OLFML2B: variants seen among roughly 807,000 people sequenced by gnomAD.
OLFML2B encodes the protein olfactomedin like 2B, also known as olfactomedin-like protein 2B.
A neutral mutation model predicts 74.9 loss-of-function variants in OLFML2B; 57 were observed. The ratio of observed to expected loss-of-function variants is 0.76; its 90% CI spans 0.61 to 0.95. The LOEUF is 0.95. Among genes scored for constraint, OLFML2B ranks in the 40% least tolerant of loss-of-function variants. The probability of loss-of-function intolerance (pLI) is 0.00; values close to 1 mark genes in which losing one functional copy is unlikely to be tolerated. For synonymous variants in OLFML2B, 388 were observed against 405.8 expected (o/e 0.96, Z 0.53); for missense variants, 986 against 970.6 (o/e 1.02, Z -0.21).
intron 5 of OLFML2B, 108 bp from the exon 6 acceptor site, chr1:161,998,457 C>G (rs185484167): frequency 4.0e-6 from 5 of 1,261,416 alleles, no homozygotes; most frequent in Non-Finnish European, 5.5e-6. Context: ...TTCCTTAACA[C>G]GACGGCTTGA....
Position 161,983,746 on chromosome 1 carries a change from G to C in OLFML2B, c.2182C>G (p.Pro728Ala), listed in dbSNP as rs1465863237. The C allele has an allele frequency of 6.2e-7, 1 of 1,613,990 alleles. No homozygotes were observed. Among genetic ancestry groups the C allele is most frequent in the African/African-American group, 1.3e-5 (1 of 74,958 alleles). Residue 728 changes from proline to alanine, a missense_variant, in exon 8 of 8, where the codon CCC becomes GCC. Coordinates refer to ENST00000294794, the MANE Select transcript of OLFML2B (RefSeq NM_015441.3). ...CAGGCATAGAGCAGGCGGTCCTTGG[G>C]GTTGTAGTCTATCTGGGTCGTATAG... ...YSYTTQIDYN[P>A]KDRLLYAWDN... is the part of the protein sequence containing the mutation.
In OLFML2B at chr1:161,983,850, T is replaced by C. The variant is rs751723258; in HGVS notation, c.2078A>G (p.Asn693Ser). 1 of 1,614,052 alleles carries C rather than the reference T, an allele frequency of 6.2e-7. No homozygotes were observed. Among genetic ancestry groups the C allele is most frequent in the African/African-American group, 1.3e-5 (1 of 74,898 alleles). The stretch of plus-strand genomic sequence containing the variant: ...GTCGAAAGCGTAGGAGATGTTGGCA[T>C]TCCGCTGGTTGTAGCTATCCACGGC... ...LYAVDSYNQR[N>S]ANISYAFDTH... The change falls in exon 8 of 8, where the codon AAT becomes AGT. Residue 693 changes from asparagine (N) to serine (S), a missense_variant. By Grantham distance (46) the Asn-to-Ser change is conservative. Coordinates refer to ENST00000294794, the MANE Select transcript of OLFML2B (RefSeq NM_015441.3).
At chr1:162,002,777 G>A (rs2101964182) in intron 4 of OLFML2B, among the ~76,000 whole-genome samples, 1 of 152,352 alleles carries the variant, frequency 6.6e-6, no homozygotes, top group East Asian at 1.9e-4. Context: ...ATGCTCGGCT[G>A]TGCCTGGGGC....
At chr1:162,020,797 G>A (rs1313956920) in intron 1 of OLFML2B, among the ~76,000 whole-genome samples, 3 of 152,220 alleles carry the variant, frequency 2.0e-5, no homozygotes, top group African/African-American at 7.2e-5. Context: ...TTACAGGCGT[G>A]AGACACCGCA....
At chr1:161,996,748 T>A (rs948419697) in intron 6 of OLFML2B, among the ~76,000 whole-genome samples, 1 of 152,350 alleles carries the variant, frequency 6.6e-6, no homozygotes, top group African/African-American at 2.4e-5. Context: ...CTGCTCTGCG[T>A]TCTCTTGGGC....
intron 6 of OLFML2B, among the ~76,000 whole-genome samples, chr1:161,995,168 A>G (rs1019380243): frequency 2.0e-5 from 3 of 152,220 alleles, no homozygotes; most frequent in Non-Finnish European, 4.4e-5. Context: ...GTGATAAACT[A>G]TTGAAAATAA....
chr1:162,008,057 A>C (rs1163697462), intron 3 of OLFML2B, among the ~76,000 whole-genome samples: 1 of 152,196 alleles, frequency 6.6e-6, no homozygotes, highest in Non-Finnish European at 1.5e-5. Flanking sequence ...CAGGCCGTCA[A>C]GTGTAATGGG....
chr1:162,005,002 A>G lies in OLFML2B; in HGVS notation c.723+1295T>C, dbSNP rs76638588. On this transcript the variant is annotated intron_variant, in intron 4 of 7. Coordinates refer to ENST00000294794, the MANE Select transcript of OLFML2B (RefSeq NM_015441.3). ...GCTGCCCAGTGACCCCTTTTATAAC[A>G]CTTGATCCAGACCCATCTTGCTAAT... Among the ~76,000 whole-genome samples the G allele has an allele frequency of 2.9e-3, 444 of 152,308 alleles. 2 individuals are homozygous for G. Among genetic ancestry groups the G allele is most frequent in the African/African-American group, 1.0e-2 (415 of 41,560 alleles).
At chr1:162,005,902 CAAAAAAAA>C (rs71093139) in intron 4 of OLFML2B, among the ~76,000 whole-genome samples, 325 of 77,900 alleles carry the variant, frequency 4.2e-3, no homozygotes, top group African/African-American at 9.2e-3. Context: ...TGGAACCTAT[CAAAAAAAA>C]AAAAAAAAAA....
Position 162,003,845 on chromosome 1 carries a change from G to A in OLFML2B, c.723+2452C>T, listed in dbSNP as rs374705968. ...CCTTCCACCCGCTTTTTGGCATGGG[G>A]TTCACAAAAGAGAGGGATGGCAAGA... is the stretch of plus-strand genomic sequence containing the variant. On this transcript the variant is annotated intron_variant, in intron 4 of 7. Coordinates refer to ENST00000294794, the MANE Select transcript of OLFML2B (RefSeq NM_015441.3). 9.2e-5 allele frequency among the ~76,000 whole-genome samples: 14 copies of A among 152,238 alleles called. No individual in the cohort carries two copies. In the South Asian group the frequency reaches 2.7e-3, roughly 29 times the overall value.
In OLFML2B at chr1:161,984,644, T is replaced by G. The variant is rs181308243; in HGVS notation, c.1651+160A>C. ...CTGAGAGGCAGAGAATGTGAGGGAGTGGGGAAGGGGGACCGCTCTCCAAGG... is the reference window on the plus strand; with the variant it reads ...CTGAGAGGCAGAGAATGTGAGGGAGGGGGGAAGGGGGACCGCTCTCCAAGG... On this transcript the variant is annotated intron_variant, in intron 7 of 7. Coordinates refer to ENST00000294794, the MANE Select transcript of OLFML2B (RefSeq NM_015441.3). Among the ~76,000 whole-genome samples, 28 of 150,854 alleles carry G rather than the reference T, an allele frequency of 1.9e-4. 2 individuals carry two copies. In the Middle Eastern group the frequency reaches 0.02, roughly 110 times the overall value.
At chr1:161,992,983 G>A (rs1279730427) in intron 6 of OLFML2B, among the ~76,000 whole-genome samples, 1 of 149,526 alleles carries the variant, frequency 6.7e-6, no homozygotes, top group East Asian at 2.0e-4. Context: ...TGCACTCTCT[G>A]TGAAGTACAA....
chr1:161,997,317 A>G (rs989495770), intron 6 of OLFML2B, among the ~76,000 whole-genome samples: 1 of 152,108 alleles, frequency 6.6e-6, no homozygotes, highest in African/African-American at 2.4e-5. Context: ...CACTTGTCAC[A>G]TGGTGCCATG....
intron 3 of OLFML2B, among the ~76,000 whole-genome samples, chr1:162,009,723 G>A (rs1401969708): frequency 6.6e-6 from 1 of 152,182 alleles, no homozygotes; most frequent in Non-Finnish European, 1.5e-5. Flanking sequence ...GCCAGCTGGT[G>A]TCCCCCAGGG....
At position 162,023,396 on chromosome 1, in the gene OLFML2B, G is replaced by A. The variant is rs1690787816; in HGVS notation, c.35C>T (p.Ala12Val). The A allele has an allele frequency of 2.5e-6, 4 of 1,591,718 alleles. No homozygotes were observed. In the East Asian group the frequency reaches 9.2e-5, roughly 37 times the overall value. Residue 12 changes from alanine to valine, a missense_variant, in exon 1 of 8, where the codon GCT becomes GTT. Ala to Val is a moderately conservative substitution (Grantham distance 64). Coordinates refer to ENST00000294794, the MANE Select transcript of OLFML2B (RefSeq NM_015441.3). ...AKPRLLVLYF[A>V]LIVVPAWVSS... ...CACCCAGGCCGGAACCACAATCAGA[G>A]CGAAGTAGAGAACTAGCAGCCGAGG...
intron 6 of OLFML2B, chr1:161,985,319 T>C (rs943991762): frequency 1.0e-5 from 2 of 194,144 alleles, no homozygotes; most frequent in Non-Finnish European, 2.1e-5. Context: ...TTCTATTCTA[T>C]TCCATTCAGC....
intron 3 of OLFML2B, among the ~76,000 whole-genome samples, chr1:162,008,171 T>C (rs923142223): frequency 6.6e-6 from 1 of 152,184 alleles, no homozygotes; most frequent in Non-Finnish European, 1.5e-5. Context: ...CAGGTTCCCA[T>C]CTGTAAAGTG....
intron 1 of OLFML2B, among the ~76,000 whole-genome samples, chr1:162,021,170 G>A (rs572341032): frequency 1.3e-5 from 2 of 152,362 alleles, no homozygotes; most frequent in Admixed American, 6.5e-5. Context: ...GGATGGGTTA[G>A]ATGTGGAGAA....
At position 162,023,329 on chromosome 1, in the gene OLFML2B, C is replaced by T. The variant is rs374334296; in HGVS notation, c.102G>A (p.Ala34=). Residue 34 remains alanine, a synonymous_variant, in exon 1 of 8, where the codon GCG becomes GCA. Coordinates refer to ENST00000294794, the MANE Select transcript of OLFML2B (RefSeq NM_015441.3). The part of the protein sequence containing the change: ...VLTGTSEPPD[A]QTVAPAEDET... ...CGTCCTCCGCAGGCGCCACTGTCTGCGCATCTGGGGGCTCGCTTGTCCCTG... is the reference window on the plus strand; with the variant it reads ...CGTCCTCCGCAGGCGCCACTGTCTGTGCATCTGGGGGCTCGCTTGTCCCTG... 1.2e-4 allele frequency: 190 copies of T among 1,606,938 alleles called. No individual in the cohort carries two copies. Among genetic ancestry groups the T allele is most frequent in the Non-Finnish European group, 1.6e-4 (183 of 1,175,596 alleles).
Sources: allele counts gnomAD v4.1 joint callset (sites outside exome capture counted in the v4.1 genomes callset), GRCh38; gene constraint gnomAD v4.1.1; transcripts MANE v1.5; gene names NCBI Gene and HGNC (gene_info 2026-07-23, HGNC 2026-07-21).